The following N4BP1 variants were observed in gnomAD, a reference collection of about 807,000 sequenced individuals.
The protein encoded by N4BP1 is NEDD4-binding protein 1.
A neutral mutation model predicts 70.9 loss-of-function variants in N4BP1; 21 were observed. That is an observed-to-expected ratio of 0.30 (90% CI 0.21 to 0.43). The LOEUF (loss-of-function observed/expected upper bound fraction) is 0.43. Ranked by LOEUF, N4BP1 falls within the 20% of genes least tolerant of loss-of-function variation. The pLI is 1.00. For missense variants in N4BP1, 936 were observed against 1,069.4 expected, an observed-to-expected ratio of 0.88 and a Z score of 1.74; for synonymous variants, 387 against 394.6, an observed-to-expected ratio of 0.98 and a Z score of 0.23.
Position 48,609,782 on chromosome 16 carries a change from C to T in N4BP1, c.191G>A (p.Ser64Asn). The change falls in exon 1 of 7, where the codon AGC becomes AAC. Residue 64 changes from serine to asparagine, a missense_variant. Around this residue, in one of 4 missense-constraint regions of N4BP1, gnomAD observed 187 missense variants for 217.1 expected, o/e 0.86. Transcript: ENST00000262384. ...GGCGGCGGCCGGACTCACCTTGGCGCTGTGCACCGCCTCCTGCGCCCCGCA... is the reference window on the plus strand; with the variant it reads ...GGCGGCGGCCGGACTCACCTTGGCGTTGTGCACCGCCTCCTGCGCCCCGCA... The part of the protein sequence containing the change: ...QLCGAQEAVH[S>N]AKEYIKGICE... 6.2e-6 allele frequency: 9 copies of T among 1,452,658 alleles called. No homozygotes were observed. Among genetic ancestry groups the T allele is most frequent in the Non-Finnish European group, 8.1e-6 (9 of 1,104,944 alleles). 90.0% of individuals were successfully genotyped at this position (1,452,658 alleles called of 1,614,324 possible). A position where few individuals can be genotyped will look rare whatever the true frequency, so the allele number is the denominator to read the frequency against.
intron 1 of N4BP1, among the ~76,000 whole-genome samples, chr16:48,588,531 G>A (rs1199930370): frequency 6.6e-6 from 1 of 152,134 alleles, no homozygotes; most frequent in Non-Finnish European, 1.5e-5. Flanking sequence ...CTGACCTCAA[G>A]TGATCCACCT....
Position 48,562,115 on chromosome 16 carries a change from C to T in N4BP1, c.528G>A (p.Leu176=). 1 of 1,613,918 alleles carries T rather than the reference C, an allele frequency of 6.2e-7. No individual in the cohort carries two copies. The highest frequency in any genetic ancestry group is 8.5e-7 in the Non-Finnish European group (1 of 1,179,868). Reference sequence around the variant, plus strand: ...CTTTTTTCAAGGAAGTGGGCAAAATCAACAAATCCATTGTGTAATTGTCTG... The same window carrying T: ...CTTTTTTCAAGGAAGTGGGCAAAATTAACAAATCCATTGTGTAATTGTCTG... ...AHADNYTMDL[L]ILPTSLKKEL... is the part of the protein sequence containing the mutation. Residue 176 remains leucine (L), a synonymous_variant, in exon 2 of 7, where the codon TTG becomes TTA. Coordinates refer to ENST00000262384, the MANE Select transcript of N4BP1 (RefSeq NM_153029.4).
intron 1 of N4BP1, among the ~76,000 whole-genome samples, chr16:48,596,689 C>T (rs1597112726): frequency 6.6e-6 from 1 of 152,202 alleles, no homozygotes; most frequent in African/African-American, 2.4e-5. Context: ...TGGAACTAAC[C>T]TTGGCAAGGA....
chr16:48,575,891 T>C lies in N4BP1; in HGVS notation c.199-13447A>G, dbSNP rs549994451. Reference sequence around the variant, plus strand: ...AGCTGCAAGGAGCATCACTCCACCATGGCACAACATAAGATGTTCAAGTCA... The same window carrying C: ...AGCTGCAAGGAGCATCACTCCACCACGGCACAACATAAGATGTTCAAGTCA... On this transcript the variant is annotated intron_variant, in intron 1 of 6. Coordinates refer to ENST00000262384, the MANE Select transcript of N4BP1 (RefSeq NM_153029.4). Among the ~76,000 whole-genome samples the C allele has an allele frequency of 8.5e-5, 13 of 152,318 alleles. No individual in the cohort carries two copies. In the South Asian group the frequency reaches 1.2e-3, roughly 15 times the overall value.
rs1457236081 is a variant in N4BP1 at position 48,541,596 on chromosome 16, A to C, written c.*1308T>G. The C allele has an allele frequency of 6.6e-6, 1 of 152,518 alleles. No individual in the cohort carries two copies. 9.4% of individuals were successfully genotyped at this position (152,518 alleles called of 1,614,324 possible). On this transcript the variant is annotated 3_prime_UTR_variant, in exon 7 of 7. Coordinates refer to ENST00000262384, the MANE Select transcript of N4BP1 (RefSeq NM_153029.4). ...TTCTCAGCCTCCGCTCCTCAGGACTAGGAGACAAGATCCGGACAGGCAGGA... is the reference window on the plus strand; with the variant it reads ...TTCTCAGCCTCCGCTCCTCAGGACTCGGAGACAAGATCCGGACAGGCAGGA...
At chr16:48,564,124 G>T (rs1313606582) in intron 1 of N4BP1, among the ~76,000 whole-genome samples, 1 of 152,014 alleles carries the variant, frequency 6.6e-6, no homozygotes, top group Non-Finnish European at 1.5e-5. Context: ...TATATCCTAA[G>T]AGTCTTTTGT....
chr16:48,551,617 A>T, intron 3 of N4BP1, 135 bp from the exon 4 acceptor site: 1 of 547,756 alleles, frequency 1.8e-6, no homozygotes, highest in Non-Finnish European at 3.2e-6. Flanking sequence ...AATTTTACTA[A>T]CTCACTAGGA....
intron 1 of N4BP1, among the ~76,000 whole-genome samples, chr16:48,571,623 AAAG>A (rs1446194081): frequency 6.6e-6 from 1 of 152,216 alleles, no homozygotes; most frequent in African/African-American, 2.4e-5. Context: ...CAGGATGCTA[AAAG>A]AAGGGAAAGG....
intron 1 of N4BP1, among the ~76,000 whole-genome samples, chr16:48,572,989 G>C (rs1306578758): frequency 6.6e-6 from 1 of 151,668 alleles, no homozygotes; most frequent in African/African-American, 2.4e-5. Flanking sequence ...GTGCATGTCT[G>C]TAGTAGCAGC....
chr16:48,604,536 C>A (rs1964548066), intron 1 of N4BP1, among the ~76,000 whole-genome samples: 1 of 140,110 alleles, frequency 7.1e-6, no homozygotes, highest in African/African-American at 2.7e-5. Flanking sequence ...GACCCTGTCT[C>A]AAAAAGGCAG....
At chr16:48,609,120 T>C (rs1012234055) in intron 1 of N4BP1, among the ~76,000 whole-genome samples, 2 of 148,196 alleles carry the variant, frequency 1.3e-5, no homozygotes, top group African/African-American at 5.0e-5. Flanking sequence ...GAGGCTGAGG[T>C]GGGAGGATCA....
At chr16:48,564,023 C>CT (rs1408362637) in intron 1 of N4BP1, among the ~76,000 whole-genome samples, 2 of 152,170 alleles carry the variant, frequency 1.3e-5, no homozygotes, top group African/African-American at 4.8e-5. Flanking sequence ...AATTTTGTAT[C>CT]TATTAACAAA....
intron 1 of N4BP1, chr16:48,577,941 G>C (rs1964120897): frequency 6.4e-6 from 1 of 155,768 alleles, no homozygotes; most frequent in Admixed American, 6.5e-5. Context: ...TGGCCAGAAT[G>C]ATGGCCCCTC....
intron 6 of N4BP1, among the ~76,000 whole-genome samples, chr16:48,544,927 T>A (rs1253209717): frequency 6.6e-6 from 1 of 152,164 alleles, no homozygotes; most frequent in Admixed American, 6.5e-5. Flanking sequence ...TAAGTAGTAT[T>A]CGCCAGTAAG....
At chr16:48,586,287 C>A (rs1964244415) in intron 1 of N4BP1, among the ~76,000 whole-genome samples, 2 of 152,186 alleles carry the variant, frequency 1.3e-5, no homozygotes, top group Non-Finnish European at 2.9e-5. Context: ...GCAGCTGGCA[C>A]CACAGGTGCA....
In N4BP1 at chr16:48,548,816, G is replaced by A. The variant is rs906987648; in HGVS notation, c.2118-702C>T. Among the ~76,000 whole-genome samples, 19 of 136,380 alleles carry A rather than the reference G, an allele frequency of 1.4e-4. No individual in the cohort carries two copies. The South Asian group carries it at 2.5e-3, about 18-fold the overall frequency. The allele number at this position is 136,380 out of a possible 152,430, so 89.5% of individuals were successfully genotyped here. ...GATCGTGCCACTACATTCCAGCCTGGACAACAGAACGAGACTGCTTCAAAA... is the reference window on the plus strand; with the variant it reads ...GATCGTGCCACTACATTCCAGCCTGAACAACAGAACGAGACTGCTTCAAAA... On this transcript the variant is annotated intron_variant, in intron 4 of 6. Transcript: ENST00000262384.
At position 48,542,878 on chromosome 16, in the gene N4BP1, C is replaced by T. The variant is rs750417433; in HGVS notation, c.*26G>A. 1.1e-5 allele frequency: 17 copies of T among 1,567,428 alleles called. No individual in the cohort carries two copies. The highest frequency in any genetic ancestry group is 4.5e-5 in the East Asian group (2 of 44,206). ...TTGAGTTTGATCAGCCAGCCCTGAG[C>T]GCAAGCTCAGCGCTCAGCACAATCT... On this transcript the variant is annotated 3_prime_UTR_variant, in exon 7 of 7. Transcript: ENST00000262384.
At chr16:48,570,254 C>G (rs1388609221) in intron 1 of N4BP1, among the ~76,000 whole-genome samples, 3 of 152,302 alleles carry the variant, frequency 2.0e-5, no homozygotes, top group Admixed American at 2.0e-4. Context: ...TGTCCTGGTG[C>G]CCATTTCCAC....
chr16:48,609,887 C>A lies in N4BP1; in HGVS notation c.86G>T (p.Gly29Val). The A allele has an allele frequency of 1.4e-6, 2 of 1,478,988 alleles. No homozygotes were observed. Among genetic ancestry groups the A allele is most frequent in the Non-Finnish European group, 9.0e-7 (1 of 1,117,112 alleles). 91.6% of individuals were successfully genotyped at this position (1,478,988 alleles called of 1,614,324 possible). ...CACGGCTAGGCTCACGCCAAACAGG[C>A]CCTCGATACGGCCGCGGCTCTGCTC... Reference protein sequence around the residue: ...LLEQSRGRIEGLFGVSLAVLG... With the variant: ...LLEQSRGRIEVLFGVSLAVLG... Residue 29 changes from glycine to valine, a missense_variant, in exon 1 of 7, where the codon GGC (glycine) becomes GTC (valine). Gly to Val is a moderately radical substitution (Grantham distance 109, BLOSUM62 -3). Around this residue, in one of 4 missense-constraint regions of N4BP1, gnomAD observed 187 missense variants for 217.1 expected, o/e 0.86. Transcript: ENST00000262384.
Sources: gnomAD v4.1 joint callset for allele counts (sites outside exome capture counted in the v4.1 genomes callset) on GRCh38, gnomAD v4.1.1 for gene constraint, gnomAD v4.1.1 regional missense constraint, MANE v1.5 for transcripts, NCBI Gene and HGNC (gene_info 2026-07-23, HGNC 2026-07-21) for gene names.